The following TXNDC11 variants were observed in gnomAD, a reference collection of about 807,000 sequenced individuals.
TXNDC11 encodes thioredoxin domain-containing protein 11.
TXNDC11 carries 68 observed loss-of-function variants against 78.0 expected under a neutral mutation model. The ratio of observed to expected loss-of-function variants is 0.87; its 90% CI spans 0.72 to 1.07. The LOEUF (loss-of-function observed/expected upper bound fraction) is 1.07. Ranked by LOEUF, TXNDC11 falls within the 50% of genes least tolerant of loss-of-function variation. The probability of loss-of-function intolerance (pLI) is 0.00; values close to 1 mark genes in which losing one functional copy is unlikely to be tolerated. For missense variants in TXNDC11, 1,389 were observed against 1,221.8 expected (o/e 1.14, Z -2.04); for synonymous variants, 571 against 495.2 (o/e 1.15, Z -2.03).
chr16:11,679,821 T>C lies in TXNDC11; in HGVS notation c.2251A>G (p.Lys751Glu). The C allele has an allele frequency of 6.2e-7, 1 of 1,612,544 alleles. No individual in the cohort carries two copies. The highest frequency in any genetic ancestry group is 8.5e-7 in the Non-Finnish European group (1 of 1,178,836). The change falls in exon 12 of 12, where the codon AAA becomes GAA. Residue 751 changes from lysine to glutamate, a missense_variant. By Grantham distance (56) the Lys-to-Glu change is moderately conservative (BLOSUM62 1). Coordinates refer to ENST00000283033, the MANE Select transcript of TXNDC11 (RefSeq NM_015914.7). The surrounding 1 kb of genome is among the most constrained non-coding windows in gnomAD (Gnocchi z 4.6). The part of the protein sequence containing the change: ...FPCNRKDLSV[K>E]YPEDVPITLP... ...GTGATGGGGACGTCTTCGGGGTATT[T>C]CACACTTAGGTCCTTTCTGGAGAGA...
rs1245610267 is a variant in TXNDC11 at position 11,691,345 on chromosome 16, T to C, written c.1845A>G (p.Lys615=). The C allele has an allele frequency of 1.2e-6, 2 of 1,614,248 alleles. No individual in the cohort carries two copies. The highest frequency in any genetic ancestry group is 2.2e-5 in the South Asian group (2 of 91,086). Residue 615 remains lysine (K), a synonymous_variant, in exon 8 of 12, where the codon AAA becomes AAG. Coordinates refer to ENST00000283033, the MANE Select transcript of TXNDC11 (RefSeq NM_015914.7). ...VKEFAAIVDV[K]EESHYILDPK... ...GATCCAAGATGTAATGAGATTCTTC[T>C]TTCACGTCAACAATTGCCGCAAATT...
intron 7 of TXNDC11, among the ~76,000 whole-genome samples, chr16:11,696,203 C>T (rs2050855518): frequency 1.3e-5 from 2 of 152,056 alleles, no homozygotes; most frequent in South Asian, 2.1e-4. Context: ...CAGCAACTCC[C>T]GTCCCTCATG....
At chr16:11,689,365 G>T (rs1017151607) in intron 8 of TXNDC11, among the ~76,000 whole-genome samples, 1 of 152,198 alleles carries the variant, frequency 6.6e-6, no homozygotes, top group Admixed American at 6.5e-5. Flanking sequence ...ATACTAAAGA[G>T]AATTCATGAT....
rs1597514726 is a variant in TXNDC11 at position 11,742,641 on chromosome 16, T to G, written c.90A>C (p.Ser30=). 2.2e-5 allele frequency: 32 copies of G among 1,459,712 alleles called. No individual in the cohort carries two copies. The highest frequency in any genetic ancestry group is 3.0e-5 in the East Asian group (1 of 33,096). 90.4% of individuals were successfully genotyped at this position (1,459,712 alleles called of 1,614,324 possible). A position where few individuals can be genotyped will look rare whatever the true frequency, so the allele number is the denominator to read the frequency against. ...EGGGGGGPAG[S]DCLSSSPTLA... ...GGGTCGGGCTCGAGCTGAGGCAGTC[T>G]GAGCCCGCGGGGCCGCCGCCGCCCC... is the stretch of plus-strand genomic sequence containing the variant. Residue 30 remains serine, a synonymous_variant, in exon 1 of 12, where the codon TCA becomes TCC. Transcript: ENST00000283033.
intron 5 of TXNDC11, among the ~76,000 whole-genome samples, chr16:11,707,044 GA>G (rs1824442626): frequency 6.6e-6 from 1 of 152,158 alleles, no homozygotes. Context: ...TATATTTGGG[GA>G]TCCTAGAACT....
intron 2 of TXNDC11, among the ~76,000 whole-genome samples, chr16:11,734,425 T>A (rs35955905): frequency 0.31 from 47,257 of 151,416 alleles, 8,709 homozygotes; most frequent in Non-Finnish European, 0.42. Context: ...AATTTTTTTT[T>A]TAAAAAAAGC....
At chr16:11,699,224 T>G (rs572584079) in intron 6 of TXNDC11, among the ~76,000 whole-genome samples, 146 of 144,266 alleles carry the variant, frequency 1.0e-3, no homozygotes, top group African/African-American at 3.6e-3. Context: ...CCAACCAACC[T>G]TAATCACTAC....
intron 10 of TXNDC11, among the ~76,000 whole-genome samples, chr16:11,684,976 T>C (rs1372602738): frequency 6.6e-6 from 1 of 152,262 alleles, no homozygotes; most frequent in East Asian, 1.9e-4. Flanking sequence ...AATCTTTACC[T>C]TGACAGAAGT....
At chr16:11,742,173 G>C (rs1266877290) in intron 1 of TXNDC11, 1 of 362,318 alleles carries the variant, frequency 2.8e-6, no homozygotes. Flanking sequence ...CCGGGCCGAA[G>C]TGACAGGTCC....
chr16:11,690,773 GAT>G (rs1471286143), intron 8 of TXNDC11: 1 of 153,310 alleles, frequency 6.5e-6, no homozygotes, highest in African/African-American at 2.4e-5. Context: ...CATTAGCCAG[GAT>G]AGTCTCGATC....
chr16:11,679,643 A>C lies in TXNDC11; in HGVS notation c.2429T>G (p.Leu810Arg), dbSNP rs1286977883. ...ISHLEREIQK[L>R]RAEISSLQRA... ...CTGGAGGCTGCTTATTTCTGCTCTC[A>C]GTTTCTGGATCTCTCTCTCCAAGTG... Residue 810 changes from leucine to arginine, a missense_variant, in exon 12 of 12, where the codon CTG (leucine) becomes CGG (arginine). Leu to Arg is a moderately radical substitution (Grantham distance 102). Transcript: ENST00000283033. The surrounding 1 kb of genome is among the most constrained non-coding windows in gnomAD (Gnocchi z 4.6). 8 of 1,613,956 alleles carry C rather than the reference A, an allele frequency of 5.0e-6. No individual in the cohort carries two copies. Among genetic ancestry groups the C allele is most frequent in the Non-Finnish European group, 5.9e-6 (7 of 1,180,026 alleles).
At chr16:11,711,995 TGTAA>T (rs151323739) in intron 5 of TXNDC11, among the ~76,000 whole-genome samples, 1,551 of 152,314 alleles carry the variant, frequency 0.01, 25 homozygotes, top group African/African-American at 0.036. Context: ...GCTGTTTGAC[TGTAA>T]GTTTGTGACT....
chr16:11,679,400 T>C lies in TXNDC11; in HGVS notation c.2672A>G (p.Asn891Ser). The change falls in exon 12 of 12, where the codon AAC becomes AGC. Residue 891 changes from asparagine (N) to serine (S), a missense_variant. Asn to Ser is a conservative substitution (Grantham distance 46). Coordinates refer to ENST00000283033, the MANE Select transcript of TXNDC11 (RefSeq NM_015914.7). This position sits in a 1 kb window ranked among gnomAD's most constrained non-coding sequence, Gnocchi z 4.6. ...ADASENLLTE[N>S]TWLKILVATM... is the part of the protein sequence containing the mutation. ...CGCCACCAGGATCTTGAGCCACGTG[T>C]TCTCGGTAAGGAGGTTTTCTGAGGC... The C allele has an allele frequency of 6.2e-7, 1 of 1,612,304 alleles. No individual in the cohort carries two copies. The highest frequency in any genetic ancestry group is 8.5e-7 in the Non-Finnish European group (1 of 1,179,338).
rs148648429 is a variant in TXNDC11, at chr16:11,679,624, G to T, written c.2448C>A (p.Ser816Arg). The T allele has an allele frequency of 4.6e-4, 746 of 1,614,180 alleles. 5 individuals carry two copies. Among genetic ancestry groups the T allele is most frequent in the South Asian group, 4.3e-4 (39 of 91,088 alleles). Residue 816 changes from serine (S) to arginine (R), a missense_variant, in exon 12 of 12, where the codon AGC (serine) becomes AGA (arginine). By Grantham distance (110) the Ser-to-Arg change is moderately radical. Transcript: ENST00000283033. This position sits in a 1 kb window ranked among gnomAD's most constrained non-coding sequence, Gnocchi z 4.6. ...EIQKLRAEIS[S>R]LQRAQVQVES... ...CCACCTGCACTTGTGCTCGCTGGAG[G>T]CTGCTTATTTCTGCTCTCAGTTTCT...
Position 11,736,237 on chromosome 16 carries a change from A to T in TXNDC11, c.255-4T>A, listed in dbSNP as rs1305003736. The T allele has an allele frequency of 6.3e-7, 1 of 1,594,154 alleles. No homozygotes were observed. The highest frequency in any genetic ancestry group is 8.6e-7 in the Non-Finnish European group (1 of 1,168,060). On this transcript the variant is annotated splice_region_variant and splice_polypyrimidine_tract_variant and intron_variant, in intron 1 of 11. Coordinates refer to ENST00000283033, the MANE Select transcript of TXNDC11 (RefSeq NM_015914.7). Reference sequence around the variant, plus strand: ...TATTATCACATCTTTTGCTCGACTAAAAAAGAGCAAACACAGAAAAGATTG... The same window carrying T: ...TATTATCACATCTTTTGCTCGACTATAAAAGAGCAAACACAGAAAAGATTG...
chr16:11,685,740 C>T (rs955039708), intron 10 of TXNDC11, among the ~76,000 whole-genome samples: 2 of 152,120 alleles, frequency 1.3e-5, no homozygotes, highest in African/African-American at 2.4e-5. Flanking sequence ...CAAAACAGCA[C>T]TCCTGCCTCA....
chr16:11,693,357 A>G (rs2141996785), intron 7 of TXNDC11, among the ~76,000 whole-genome samples: 1 of 152,308 alleles, frequency 6.6e-6, no homozygotes, highest in East Asian at 1.9e-4. Context: ...GTAAGTTATA[A>G]TCCAAAGGCA....
chr16:11,697,101 T>C (rs1309632000), intron 7 of TXNDC11, among the ~76,000 whole-genome samples: 2 of 152,254 alleles, frequency 1.3e-5, no homozygotes, highest in Admixed American at 1.3e-4. Context: ...GAGTCCTCCC[T>C]AATTAGAGGG....
intron 5 of TXNDC11, among the ~76,000 whole-genome samples, chr16:11,706,233 A>C (rs976598151): frequency 2.6e-5 from 4 of 152,256 alleles, no homozygotes; most frequent in African/African-American, 9.6e-5. Flanking sequence ...ACATCTGGGT[A>C]AAGAATTAGT....
Sources: allele counts gnomAD v4.1 joint callset (sites outside exome capture counted in the v4.1 genomes callset), GRCh38; gene constraint gnomAD v4.1.1; non-coding constraint Gnocchi (gnomAD v3.1); transcripts MANE v1.5; gene names NCBI Gene and HGNC (gene_info 2026-07-23, HGNC 2026-07-21).